SNX29: variants seen among roughly 807,000 people sequenced by gnomAD.
The protein encoded by SNX29 is sorting nexin 29, also known as sorting nexin-29.
Under a neutral mutation model 102.1 loss-of-function variants are expected in SNX29, and 78 were observed. The ratio of observed to expected loss-of-function variants is 0.76; its 90% CI spans 0.64 to 0.92. The LOEUF (loss-of-function observed/expected upper bound fraction) is 0.92, where lower values mean the gene tolerates loss of function less well. SNX29 is among the 40% of genes least tolerant of loss of function. The pLI, the probability that SNX29 is intolerant of heterozygous loss-of-function variation, is 0.00. For missense variants in SNX29, 1,280 were observed against 1,061.7 expected (o/e 1.21, Z -2.86); for synonymous variants, 580 against 414.5 (o/e 1.40, Z -4.85).
Position 12,572,638 on chromosome 16 carries a change from C to T in SNX29, c.*4009C>T, listed in dbSNP as rs1207832862. On this transcript the variant is annotated 3_prime_UTR_variant, in exon 21 of 21. Coordinates refer to ENST00000566228, the MANE Select transcript of SNX29 (RefSeq NM_032167.5). Reference sequence around the variant, plus strand: ...CTACCCCCAGAATCCATCCTTCATTCCTCCACCAAGCTCCTGTGTGAGCTG... The same window carrying T: ...CTACCCCCAGAATCCATCCTTCATTTCTCCACCAAGCTCCTGTGTGAGCTG... 45 of 1,063,848 alleles carry T rather than the reference C, an allele frequency of 4.2e-5. No individual in the cohort carries two copies. The highest frequency in any genetic ancestry group is 5.1e-5 in the Non-Finnish European group (45 of 878,374). The allele number at this position is 1,063,848 out of a possible 1,614,324, so 65.9% of individuals were successfully genotyped here.
chr16:12,514,778 T>A (rs1024784236), intron 19 of SNX29, among the ~76,000 whole-genome samples: 1 of 152,032 alleles, frequency 6.6e-6, no homozygotes, highest in South Asian at 2.1e-4. Context: ...GGCAGGAGAA[T>A]CACTTGAACC....
At chr16:12,229,070 C>A (rs1488314988) in intron 14 of SNX29, among the ~76,000 whole-genome samples, 1 of 152,246 alleles carries the variant, frequency 6.6e-6, no homozygotes, top group African/African-American at 2.4e-5. Flanking sequence ...CCTCAGAGAG[C>A]CATTCCCTGG....
chr16:12,418,262 C>G (rs551955323), intron 18 of SNX29, among the ~76,000 whole-genome samples: 1 of 152,114 alleles, frequency 6.6e-6, no homozygotes, highest in Non-Finnish European at 1.5e-5. Flanking sequence ...GCCGCAAAAC[C>G]GTTTGCTAGC....
intron 14 of SNX29, among the ~76,000 whole-genome samples, chr16:12,233,342 A>C (rs544552972): frequency 1.3e-5 from 2 of 152,310 alleles, no homozygotes; most frequent in African/African-American, 4.8e-5. Flanking sequence ...CCCCAACAGA[A>C]AACCAGATAT....
chr16:12,556,858 ATT>A (rs923109471), intron 20 of SNX29, among the ~76,000 whole-genome samples: 4 of 148,874 alleles, frequency 2.7e-5, no homozygotes, highest in African/African-American at 9.8e-5. Context: ...AAAAAATTGA[ATT>A]TTTTTTTTTT....
rs137986488 is a variant in SNX29 at position 12,569,811 on chromosome 16, T to A, written c.*1182T>A. 4.7e-4 allele frequency: 108 copies of A among 230,524 alleles called. 1 individual carries two copies. The highest frequency in any genetic ancestry group is 2.1e-3 in the African/African-American group (96 of 45,308). 14.3% of individuals were successfully genotyped at this position (230,524 alleles called of 1,614,324 possible). ...CGTCCTCAGATGCTCAGCAAAGTTG[T>A]GGCAGTTTGCATTTCTAGGGTAAAC... On this transcript the variant is annotated 3_prime_UTR_variant, in exon 21 of 21. Coordinates refer to ENST00000566228, the MANE Select transcript of SNX29 (RefSeq NM_032167.5).
chr16:12,398,394 A>T, intron 16 of SNX29, 52 bp from the exon 17 acceptor site: 1 of 1,583,266 alleles, frequency 6.3e-7, no homozygotes, highest in Non-Finnish European at 8.7e-7. Context: ...TATGCAAACC[A>T]TGGTAACCAT....
At chr16:12,222,316 C>G (rs147140496) in intron 14 of SNX29, among the ~76,000 whole-genome samples, 212 of 152,296 alleles carry the variant, frequency 1.4e-3, no homozygotes, top group African/African-American at 4.7e-3. Flanking sequence ...CTGAAACATT[C>G]TCAAACAAGC....
intron 13 of SNX29, among the ~76,000 whole-genome samples, chr16:12,189,906 G>A (rs1178923702): frequency 3.3e-5 from 5 of 152,108 alleles, no homozygotes; most frequent in African/African-American, 1.2e-4. Flanking sequence ...GGGCCTGTAA[G>A]TTCACATTGA....
intron 13 of SNX29, among the ~76,000 whole-genome samples, chr16:12,155,602 T>C (rs982932323): frequency 3.3e-5 from 5 of 152,150 alleles, no homozygotes; most frequent in Non-Finnish European, 7.4e-5. Flanking sequence ...GAGGCCGCTT[T>C]TCTATGCTAG....
chr16:12,309,134 T>C (rs2080447610), intron 15 of SNX29, among the ~76,000 whole-genome samples: 1 of 152,158 alleles, frequency 6.6e-6, no homozygotes, highest in Non-Finnish European at 1.5e-5. Flanking sequence ...AACCCTGCTG[T>C]GATTTCTATA....
chr16:12,548,142 T>A (rs775628821), intron 20 of SNX29, among the ~76,000 whole-genome samples: 1 of 152,214 alleles, frequency 6.6e-6, no homozygotes, highest in African/African-American at 2.4e-5. Context: ...TTTCTATCCC[T>A]GTTCATTCTT....
chr16:12,169,292 G>A (rs78826095), intron 13 of SNX29, among the ~76,000 whole-genome samples: 2,737 of 152,304 alleles, frequency 0.018, 89 homozygotes, highest in African/African-American at 0.062. Flanking sequence ...GGCTCAAAGC[G>A]CAAGTGACGC....
At chr16:12,270,280 C>A (rs1424959409) in intron 14 of SNX29, among the ~76,000 whole-genome samples, 1 of 152,230 alleles carries the variant, frequency 6.6e-6, no homozygotes, top group African/African-American at 2.4e-5. Flanking sequence ...TTTCAGAATT[C>A]AGTCACAATT....
At chr16:12,539,614 G>T (rs1040531602) in intron 20 of SNX29, among the ~76,000 whole-genome samples, 4 of 152,196 alleles carry the variant, frequency 2.6e-5, no homozygotes, top group African/African-American at 9.6e-5. Context: ...AAGAGTTGAG[G>T]ACTGGATCCT....
intron 4 of SNX29, among the ~76,000 whole-genome samples, chr16:12,037,937 AGAGT>A (rs1350590706): frequency 6.6e-6 from 1 of 151,938 alleles, no homozygotes; most frequent in Non-Finnish European, 1.5e-5. Context: ...CCTGGGCGAC[AGAGT>A]GAGACCTTGT....
chr16:12,469,505 A>C (rs117604171), intron 18 of SNX29, among the ~76,000 whole-genome samples: 1,693 of 152,304 alleles, frequency 0.011, 12 homozygotes, highest in Middle Eastern at 0.024. Flanking sequence ...TCCTCATGTC[A>C]TCTGATTCTC....
At chr16:12,255,055 T>G (rs1468048343) in intron 14 of SNX29, among the ~76,000 whole-genome samples, 1 of 152,210 alleles carries the variant, frequency 6.6e-6, no homozygotes, top group Non-Finnish European at 1.5e-5. Flanking sequence ...ATCTTTATGG[T>G]GTACAATGTG....
At chr16:12,090,250 T>G (rs11648816) in intron 11 of SNX29, 35,076 of 152,296 alleles carry the variant, frequency 0.23, 4,075 homozygotes, top group African/African-American at 0.27. Context: ...ACTAGCTTAG[T>G]AAGGCATTAG....
Sources: gnomAD v4.1 joint callset for allele counts (sites outside exome capture counted in the v4.1 genomes callset) on GRCh38, gnomAD v4.1.1 for gene constraint, MANE v1.5 for transcripts, NCBI Gene and HGNC (gene_info 2026-07-23, HGNC 2026-07-21) for gene names.